Variants in DHX29 observed in about 807,000 individuals in gnomAD.
DHX29 encodes ATP-dependent RNA helicase DHX29.
Under a neutral mutation model 167.9 loss-of-function variants are expected in DHX29, and 79 were observed. The observed-to-expected ratio is 0.47, with a 90% confidence interval of 0.39 to 0.57. The LOEUF (loss-of-function observed/expected upper bound fraction) is 0.57, where lower values mean the gene tolerates loss of function less well. DHX29 is among the 20% of genes least tolerant of loss of function. The pLI is 0.00. For missense variants in DHX29, 1,347 were observed against 1,593.4 expected (o/e 0.85, Z 2.63); for synonymous variants, 530 against 546.0 (o/e 0.97, Z 0.41).
chr5:55,278,500 T>C (rs540678200), intron 12 of DHX29, among the ~76,000 whole-genome samples: 6 of 151,596 alleles, frequency 4.0e-5, no homozygotes, highest in African/African-American at 1.5e-4. Flanking sequence ...GCAAAGCCCT[T>C]AGAACAAAGC....
chr5:55,269,633 C>T lies in DHX29; in HGVS notation c.3074G>A (p.Cys1025Tyr). 6.2e-7 allele frequency: 1 copy of T among 1,611,902 alleles called. No homozygotes were observed. The highest frequency in any genetic ancestry group is 1.1e-5 in the South Asian group (1 of 91,032). Residue 1025 changes from cysteine to tyrosine, a missense_variant, in exon 21 of 27, where the codon TGT becomes TAT. By Grantham distance (194) the Cys-to-Tyr change is radical (BLOSUM62 -2). Transcript: ENST00000251636. ...GAAATCTTCAGGAGAACCAAGATTA[C>T]ATTTCTGCAGATTAAAAAAGCAATA... ...LEELCLHIMKCNLGSPEDFLS... is the reference protein window; with the variant it reads ...LEELCLHIMKYNLGSPEDFLS...
At chr5:55,304,386 A>T (rs1192113875) in intron 1 of DHX29, among the ~76,000 whole-genome samples, 1 of 142,440 alleles carries the variant, frequency 7.0e-6, no homozygotes, top group African/African-American at 2.7e-5. Context: ...ATCTCAGCTC[A>T]CTGCAAGCTC....
At chr5:55,300,490 T>C (rs1462788166) in intron 1 of DHX29, among the ~76,000 whole-genome samples, 3 of 152,076 alleles carry the variant, frequency 2.0e-5, no homozygotes, top group Non-Finnish European at 2.9e-5. Context: ...CTGGCCAATA[T>C]GGCAAAACCC....
chr5:55,304,828 C>T (rs1025928080), intron 1 of DHX29, among the ~76,000 whole-genome samples: 1 of 152,092 alleles, frequency 6.6e-6, no homozygotes, highest in Non-Finnish European at 1.5e-5. Flanking sequence ...TAAGGAGGGA[C>T]GGAAGTAGAG....
chr5:55,266,031 G>A (rs192681252), intron 23 of DHX29, among the ~76,000 whole-genome samples: 5 of 148,578 alleles, frequency 3.4e-5, no homozygotes, highest in South Asian at 2.1e-4. Context: ...ACGGAGTCTC[G>A]TTCTGTCACC....
At chr5:55,289,750 A>G (rs1222052097) in intron 7 of DHX29, among the ~76,000 whole-genome samples, 1 of 152,208 alleles carries the variant, frequency 6.6e-6, no homozygotes, top group Non-Finnish European at 1.5e-5. Context: ...ATGGAATTGT[A>G]TTCACCTTTC....
chr5:55,261,554 C>T, intron 24 of DHX29, 55 bp from the exon 25 acceptor site: 2 of 1,109,408 alleles, frequency 1.8e-6, no homozygotes, highest in Middle Eastern at 2.0e-4. Flanking sequence ...AGAAGGAGGT[C>T]ATTTATCTTT....
chr5:55,307,409 G>A lies in DHX29; in HGVS notation c.165C>T (p.Ser55=). Residue 55 remains serine (S), a synonymous_variant, in exon 1 of 27, where the codon TCC becomes TCT. Transcript: ENST00000251636. ...TACCTTGCTTGACACGGGGCTCCCT[G>A]GAGCCGGCAGCGGCAGCGGCAGCGG... ...PATAAAAAAG[S]REPRVKQGPK... is the part of the protein sequence containing the mutation. 1.2e-6 allele frequency: 2 copies of A among 1,613,098 alleles called. No individual in the cohort carries two copies. Among genetic ancestry groups the A allele is most frequent in the Non-Finnish European group, 8.5e-7 (1 of 1,179,760 alleles).
At chr5:55,299,261 T>C (rs1483898192) in intron 1 of DHX29, among the ~76,000 whole-genome samples, 1 of 152,316 alleles carries the variant, frequency 6.6e-6, no homozygotes, top group East Asian at 1.9e-4. Flanking sequence ...TATCTTTTAG[T>C]CAGATGCTTT....
At chr5:55,307,342 C>T (rs767307570) in intron 1 of DHX29, 45 bp downstream of exon 1, 1 of 1,544,522 alleles carries the variant, frequency 6.5e-7, no homozygotes, top group South Asian at 1.1e-5. Context: ...GGACAAGCAG[C>T]AAGGTCTCAG....
chr5:55,285,601 T>C lies in DHX29; in HGVS notation c.1232+95A>G. On this transcript the variant is annotated intron_variant, in intron 9 of 26. Transcript: ENST00000251636. ...GATGTAGAATTGAGAGCTTCCTAAA[T>C]GTCTGCTTACCTCACAGGGAACAAA... The C allele has an allele frequency of 4.4e-6, 6 of 1,365,292 alleles. No homozygotes were observed. In the South Asian group the frequency reaches 8.0e-5, roughly 18 times the overall value. The allele number at this position is 1,365,292 out of a possible 1,614,324, so 84.6% of individuals were successfully genotyped here.
At chr5:55,298,123 A>C (rs890716624) in intron 2 of DHX29, among the ~76,000 whole-genome samples, 1 of 152,238 alleles carries the variant, frequency 6.6e-6, no homozygotes, top group Non-Finnish European at 1.5e-5. Context: ...ACCACCAAGA[A>C]AATCAACTTG....
At position 55,261,507 on chromosome 5, in the gene DHX29, G is replaced by A; in HGVS notation, c.3829-8C>T. ...CACTCTGGCATACCTTATCTACATG[G>A]GAAAAAGGGGGGAAAATAACTTCAA... On this transcript the variant is annotated splice_polypyrimidine_tract_variant and splice_region_variant and intron_variant, in intron 24 of 26. Coordinates refer to ENST00000251636, the MANE Select transcript of DHX29 (RefSeq NM_019030.4). 6.6e-7 allele frequency: 1 copy of A among 1,511,756 alleles called. No individual in the cohort carries two copies. Among genetic ancestry groups the A allele is most frequent in the Non-Finnish European group, 9.0e-7 (1 of 1,107,782 alleles). The allele number at this position is 1,511,756 out of a possible 1,614,324, so 93.6% of individuals were successfully genotyped here. A position where few individuals can be genotyped will look rare whatever the true frequency, so the allele number is the denominator to read the frequency against.
At chr5:55,273,431 A>G in intron 16 of DHX29, 54 bp from the exon 17 acceptor site, 1 of 1,429,588 alleles carries the variant, frequency 7.0e-7, no homozygotes, top group Non-Finnish European at 9.3e-7. Flanking sequence ...AAGACACTGC[A>G]AAGAATAACA....
intron 8 of DHX29, among the ~76,000 whole-genome samples, chr5:55,288,884 G>A (rs1002647630): frequency 6.6e-6 from 1 of 152,200 alleles, no homozygotes; most frequent in African/African-American, 2.4e-5. Flanking sequence ...AAATAAGGTA[G>A]AAAGGTAGAT....
In DHX29 at chr5:55,277,129, A is replaced by G; in HGVS notation, c.2263T>C (p.Ser755Pro). The G allele has an allele frequency of 4.3e-6, 7 of 1,610,346 alleles. No individual in the cohort carries two copies. In the South Asian group the frequency reaches 7.8e-5, roughly 18 times the overall value. Residue 755 changes from serine (S) to proline (P), a missense_variant, in exon 13 of 27, where the codon TCA becomes CCA. By Grantham distance (74) the Ser-to-Pro change is moderately conservative. This residue lies in a region of DHX29 where 882 missense variants were observed against 1,082.4 expected (regional missense o/e 0.81). Coordinates refer to ENST00000251636, the MANE Select transcript of DHX29 (RefSeq NM_019030.4). ...YFTHCPILRI[S>P]GRSYPVEVFH... ...ACCTCAACAGGATAACTTCTTCCTG[A>G]AATTCTGAGAATGGGGCAGTGTGTG...
chr5:55,297,093 A>C (rs534115168), intron 3 of DHX29, among the ~76,000 whole-genome samples, 192 bp downstream of exon 3: 9 of 152,306 alleles, frequency 5.9e-5, no homozygotes, highest in Non-Finnish European at 1.0e-4. Context: ...CTTAATTTTC[A>C]TATCACCATT....
At chr5:55,294,276 G>C (rs920381311) in intron 5 of DHX29, 131 bp from the exon 6 acceptor site, 3 of 862,860 alleles carry the variant, frequency 3.5e-6, no homozygotes, top group Non-Finnish European at 5.0e-6. Context: ...TTATTGCTCA[G>C]TGAAGGACAA....
At chr5:55,291,979 AAC>A (rs1442792956) in intron 6 of DHX29, among the ~76,000 whole-genome samples, 9 of 152,148 alleles carry the variant, frequency 5.9e-5, no homozygotes, top group Non-Finnish European at 5.9e-5. Flanking sequence ...TGCTGCTATG[AAC>A]ACAGTGTACA....
Sources: gnomAD v4.1 joint callset for allele counts (sites outside exome capture counted in the v4.1 genomes callset) on GRCh38, gnomAD v4.1.1 for gene constraint, gnomAD v4.1.1 regional missense constraint, MANE v1.5 for transcripts, NCBI Gene and HGNC (gene_info 2026-07-23, HGNC 2026-07-21) for gene names.